Variants in MAPK4 observed in about 807,000 individuals in gnomAD.
The protein encoded by MAPK4 is Erk3-related.
Under a neutral mutation model 47.7 loss-of-function variants are expected in MAPK4, and 22 were observed. That is an observed-to-expected ratio of 0.46 (90% CI 0.33 to 0.66). The LOEUF (loss-of-function observed/expected upper bound fraction) is 0.66. MAPK4 is among the 30% of genes least tolerant of loss of function. The probability of loss-of-function intolerance (pLI) is 0.02; values close to 1 mark genes in which losing one functional copy is unlikely to be tolerated. For synonymous variants in MAPK4, 390 were observed against 365.7 expected (o/e 1.07, Z -0.76); for missense variants, 736 against 831.7 (o/e 0.88, Z 1.42).
At chr18:50,589,061 T>A (rs11082832) in intron 1 of MAPK4, among the ~76,000 whole-genome samples, 41,758 of 152,114 alleles carry the variant, frequency 0.27, 5,710 homozygotes, top group South Asian at 0.33. Context: ...ATGGATTTTT[T>A]AAAATTCAGG....
At chr18:50,684,765 G>T (rs1388544015) in intron 2 of MAPK4, among the ~76,000 whole-genome samples, 1 of 152,112 alleles carries the variant, frequency 6.6e-6, no homozygotes, top group African/African-American at 2.4e-5. Context: ...AGGCAGGCCT[G>T]GGTGAACAGC....
intron 1 of MAPK4, among the ~76,000 whole-genome samples, chr18:50,635,381 A>G (rs1299337570): frequency 2.6e-5 from 4 of 151,262 alleles, no homozygotes; most frequent in Non-Finnish European, 4.4e-5. Flanking sequence ...GACATGCTGA[A>G]TCTCTCTCAT....
chr18:50,582,638 G>A (rs914479448), intron 1 of MAPK4, among the ~76,000 whole-genome samples: 2 of 152,234 alleles, frequency 1.3e-5, no homozygotes, highest in African/African-American at 4.8e-5. Flanking sequence ...TGCTGCCTCT[G>A]CCTGGGGCCT....
chr18:50,664,587 C>T lies in MAPK4; in HGVS notation c.546+83C>T. ...CAGCATTCCCAAGCTATTCCTAGCT[C>T]CATGGTAGTCAGAGGACTAGAGTTA... On this transcript the variant is annotated intron_variant, in intron 2 of 5. Coordinates refer to ENST00000400384, the MANE Select transcript of MAPK4 (RefSeq NM_002747.4). The surrounding 1 kb of genome is among the most constrained non-coding windows in gnomAD (Gnocchi z 6.0). The T allele has an allele frequency of 7.0e-7, 1 of 1,433,268 alleles. No individual in the cohort carries two copies. The highest frequency in any genetic ancestry group is 9.5e-7 in the Non-Finnish European group (1 of 1,056,012). 88.8% of individuals were successfully genotyped at this position (1,433,268 alleles called of 1,614,324 possible). A position where few individuals can be genotyped will look rare whatever the true frequency, so the allele number is the denominator to read the frequency against.
intron 2 of MAPK4, among the ~76,000 whole-genome samples, chr18:50,686,480 G>A (rs567251187): frequency 1.5e-4 from 23 of 152,310 alleles, no homozygotes; most frequent in South Asian, 1.0e-3. Flanking sequence ...ACAATGGTGC[G>A]TCCTTTCTGA....
chr18:50,578,166 C>G (rs1476645168), intron 1 of MAPK4, among the ~76,000 whole-genome samples: 1 of 152,196 alleles, frequency 6.6e-6, no homozygotes, highest in Non-Finnish European at 1.5e-5. Context: ...ATTTCTGCAT[C>G]TGGCCCCCAG....
At chr18:50,568,348 A>T (rs2042220213) in intron 1 of MAPK4, among the ~76,000 whole-genome samples, 1 of 152,172 alleles carries the variant, frequency 6.6e-6, no homozygotes, top group African/African-American at 2.4e-5. Flanking sequence ...AGATGGAGAG[A>T]TAGAGTGCTT....
Position 50,717,681 on chromosome 18 carries a change from A to G in MAPK4, c.691+2458A>G, listed in dbSNP as rs553521807. On this transcript the variant is annotated intron_variant, in intron 3 of 5. Coordinates refer to ENST00000400384, the MANE Select transcript of MAPK4 (RefSeq NM_002747.4). ...TCCCTCCACCCTGAAATCTCTGTCT[A>G]CAAACCTGAGCCTGCAAGTGGCAGG... 2.6e-5 allele frequency among the ~76,000 whole-genome samples: 4 copies of G among 152,282 alleles called. No individual in the cohort carries two copies. The South Asian group carries it at 8.3e-4, about 32-fold the overall frequency.
At chr18:50,659,461 G>A (rs546850963) in intron 1 of MAPK4, among the ~76,000 whole-genome samples, 71 of 152,308 alleles carry the variant, frequency 4.7e-4, no homozygotes, top group South Asian at 8.3e-4. Flanking sequence ...AGATGGGGAG[G>A]TAAGTCTAAA....
chr18:50,569,914 G>A lies in MAPK4; in HGVS notation c.-871+9671G>A, dbSNP rs546092310. Among the ~76,000 whole-genome samples the A allele has an allele frequency of 3.3e-5, 5 of 152,366 alleles. No homozygotes were observed. In the South Asian group the frequency reaches 1.0e-3, roughly 32 times the overall value. On this transcript the variant is annotated intron_variant, in intron 1 of 5. Coordinates refer to ENST00000400384, the MANE Select transcript of MAPK4 (RefSeq NM_002747.4). ...CTGGGTAAAAGCAGCCCCTAGTACT[G>A]AGGCCTACATGTCTAGATCTCTTTC...
chr18:50,662,173 C>A (rs994847287), intron 1 of MAPK4, among the ~76,000 whole-genome samples: 1 of 152,204 alleles, frequency 6.6e-6, no homozygotes. Context: ...CAAGTTCATG[C>A]CTTTGTGTTG....
intron 2 of MAPK4, among the ~76,000 whole-genome samples, chr18:50,672,656 G>A (rs954354409): frequency 6.6e-6 from 1 of 152,128 alleles, no homozygotes; most frequent in African/African-American, 2.4e-5. Flanking sequence ...TGAGCTTGGG[G>A]TGATATTATA....
chr18:50,571,205 G>A (rs776621086), intron 1 of MAPK4, among the ~76,000 whole-genome samples: 24 of 152,104 alleles, frequency 1.6e-4, no homozygotes, highest in Middle Eastern at 3.4e-3. Context: ...TTTACCCTGC[G>A]GATTTTTAAT....
rs115707263 is a variant in MAPK4, at chr18:50,564,985, A to C, written c.-871+4742A>C. ...GGCCTTGGAAGGGTCCTGTGAGGAC[A>C]AGTGATGGGCTCTGAATTTAAGTTT... On this transcript the variant is annotated intron_variant, in intron 1 of 5. Transcript: ENST00000400384. Among the ~76,000 whole-genome samples, 1,508 of 152,352 alleles carry C rather than the reference A, an allele frequency of 9.9e-3. 28 individuals carry two copies. The highest frequency in any genetic ancestry group is 0.034 in the African/African-American group (1,408 of 41,566).
chr18:50,658,083 G>T (rs750627382), intron 1 of MAPK4, among the ~76,000 whole-genome samples: 6 of 152,114 alleles, frequency 3.9e-5, no homozygotes, highest in Admixed American at 6.5e-5. Context: ...ATGATGGAAG[G>T]TGGGGGTGTG....
chr18:50,566,014 A>T (rs1010735035), intron 1 of MAPK4, among the ~76,000 whole-genome samples: 34 of 152,350 alleles, frequency 2.2e-4, no homozygotes, highest in African/African-American at 7.0e-4. Flanking sequence ...CTTTTTCCTT[A>T]GTTTAGATCA....
At chr18:50,622,905 GT>G (rs1415754693) in intron 1 of MAPK4, among the ~76,000 whole-genome samples, 9 of 152,206 alleles carry the variant, frequency 5.9e-5, no homozygotes, top group African/African-American at 2.2e-4. Flanking sequence ...GGAGAAAGTA[GT>G]GACCTGTACA....
intron 1 of MAPK4, among the ~76,000 whole-genome samples, chr18:50,609,348 C>T (rs960964288): frequency 2.6e-5 from 4 of 151,058 alleles, no homozygotes; most frequent in Admixed American, 6.6e-5. Context: ...GGCGGAGGCG[C>T]CCCCCACCTC....
intron 1 of MAPK4, chr18:50,629,542 A>G (rs2042810541): frequency 6.6e-6 from 1 of 152,234 alleles, no homozygotes; most frequent in Non-Finnish European, 1.5e-5. Flanking sequence ...CACAAGTGCA[A>G]GATGAAAATT....
Sources: allele counts gnomAD v4.1 joint callset (sites outside exome capture counted in the v4.1 genomes callset), GRCh38; gene constraint gnomAD v4.1.1; non-coding constraint Gnocchi (gnomAD v3.1); transcripts MANE v1.5; gene names NCBI Gene and HGNC (gene_info 2026-07-23, HGNC 2026-07-21).